THADA: variants seen among roughly 807,000 people sequenced by gnomAD.
THADA encodes the protein tRNA (32-2'-O)-methyltransferase regulator THADA.
A neutral mutation model predicts 219.8 loss-of-function variants in THADA; 213 were observed. The ratio of observed to expected loss-of-function variants is 0.97; its 90% confidence interval spans 0.87 to 1.09. The LOEUF is 1.09. Ranked by LOEUF, THADA falls within the 50% of genes least tolerant of loss-of-function variation. The probability of loss-of-function intolerance (pLI) is 0.00; values close to 1 mark genes in which losing one functional copy is unlikely to be tolerated. For synonymous variants in THADA, 1,018 were observed against 828.9 expected (o/e 1.23, Z -3.92); for missense variants, 2,956 against 2,311.3 (o/e 1.28, Z -5.72).
intron 25 of THADA, among the ~76,000 whole-genome samples, chr2:43,488,588 G>A (rs371357230): frequency 4.6e-5 from 7 of 152,024 alleles, no homozygotes; most frequent in East Asian, 1.9e-4. Flanking sequence ...TTCATTTGAC[G>A]GACATTTGGG....
chr2:43,489,650 T>C (rs1489254444), intron 25 of THADA, among the ~76,000 whole-genome samples: 1 of 152,136 alleles, frequency 6.6e-6, no homozygotes. Context: ...CTCTACTGAA[T>C]TGTCTTGGCA....
intron 29 of THADA, among the ~76,000 whole-genome samples, chr2:43,361,317 T>C (rs931522046): frequency 3.9e-5 from 6 of 152,226 alleles, no homozygotes; most frequent in Non-Finnish European, 1.5e-5. Context: ...TCATATCCCA[T>C]GAGGTTGCCA....
intron 21 of THADA, among the ~76,000 whole-genome samples, chr2:43,534,844 T>A (rs1298508934): frequency 1.3e-5 from 2 of 152,124 alleles, no homozygotes; most frequent in Non-Finnish European, 2.9e-5. Context: ...GATTTCCTTC[T>A]CCTTGGATAA....
intron 29 of THADA, among the ~76,000 whole-genome samples, chr2:43,383,073 CAAAG>C (rs1402883416): frequency 3.3e-5 from 5 of 151,938 alleles, no homozygotes; most frequent in Non-Finnish European, 7.4e-5. Context: ...AAGTGGACAA[CAAAG>C]AAAGCACCAT....
intron 4 of THADA, among the ~76,000 whole-genome samples, 193 bp from the exon 5 acceptor site, chr2:43,587,195 G>C (rs1003875916): frequency 6.6e-6 from 1 of 152,034 alleles, no homozygotes; most frequent in African/African-American, 2.4e-5. Flanking sequence ...CTTCCACCTT[G>C]CTTCTCTCCC....
chr2:43,480,742 C>T lies in THADA; in HGVS notation c.3836+4492G>A, dbSNP rs564294004. Reference sequence around the variant, plus strand: ...CTGAGGCAGGAGAATTGCGTGAACCCGGGAGGCAGAGGTTGCAGTGAGTTG... The same window carrying T: ...CTGAGGCAGGAGAATTGCGTGAACCTGGGAGGCAGAGGTTGCAGTGAGTTG... On this transcript the variant is annotated intron_variant, in intron 26 of 37. Transcript: ENST00000405975. Among the ~76,000 whole-genome samples, 184 of 151,076 alleles carry T rather than the reference C, an allele frequency of 1.2e-3. 2 individuals carry two copies. Among genetic ancestry groups the T allele is most frequent in the African/African-American group, 4.1e-3 (170 of 41,084 alleles).
intron 29 of THADA, among the ~76,000 whole-genome samples, chr2:43,385,609 AAAAAAAAAAAAAAAAAAAAAAG>A (rs933843619): frequency 1.4e-5 from 2 of 147,294 alleles, no homozygotes; most frequent in African/African-American, 5.2e-5. Context: ...TCCGTCTCAA[AAAAAAAAAAAAAAAAAAAAAAG>A]AAGAAGGGGC....
chr2:43,462,527 C>G (rs1323092320), intron 26 of THADA, among the ~76,000 whole-genome samples: 3 of 152,084 alleles, frequency 2.0e-5, no homozygotes, highest in Non-Finnish European at 4.4e-5. Context: ...CTAATATGTT[C>G]AAACATTCAG....
chr2:43,306,161 C>T (rs566355062), intron 31 of THADA, among the ~76,000 whole-genome samples: 1 of 152,076 alleles, frequency 6.6e-6, no homozygotes, highest in African/African-American at 2.4e-5. Flanking sequence ...CAGGCACGAG[C>T]CCCCATGCCT....
At chr2:43,231,469 T>C in intron 37 of THADA, 126 bp from the exon 38 acceptor site, 2 of 953,458 alleles carry the variant, frequency 2.1e-6, no homozygotes, top group Non-Finnish European at 3.0e-6. Context: ...GAGGGTGCAC[T>C]CTTGCCTGTC....
intron 31 of THADA, among the ~76,000 whole-genome samples, chr2:43,313,912 A>G (rs928099690): frequency 6.6e-6 from 1 of 152,204 alleles, no homozygotes; most frequent in Non-Finnish European, 1.5e-5. Context: ...CTTAGCACAC[A>G]TGGGATGTTA....
chr2:43,465,977 T>G (rs1274546328), intron 26 of THADA, among the ~76,000 whole-genome samples: 1 of 152,202 alleles, frequency 6.6e-6, no homozygotes, highest in Admixed American at 6.5e-5. Context: ...GCCATGCCAC[T>G]ATGTTTCCTC....
At chr2:43,393,764 TAAC>T (rs200202422) in intron 29 of THADA, among the ~76,000 whole-genome samples, 54 of 148,248 alleles carry the variant, frequency 3.6e-4, no homozygotes, top group African/African-American at 8.9e-4. Context: ...TATTTGTACA[TAAC>T]AACAACAACA....
intron 36 of THADA, among the ~76,000 whole-genome samples, chr2:43,254,645 C>A (rs1242047069): frequency 6.6e-6 from 1 of 152,140 alleles, no homozygotes; most frequent in African/African-American, 2.4e-5. Flanking sequence ...ATCTTTTCCT[C>A]TTGAAATTCT....
chr2:43,410,079 G>C (rs1319619908), intron 28 of THADA, among the ~76,000 whole-genome samples: 1 of 151,742 alleles, frequency 6.6e-6, no homozygotes, highest in East Asian at 1.9e-4. Flanking sequence ...CAGAAAAATT[G>C]GGTCAAAGCT....
chr2:43,437,496 G>A (rs1318940575), intron 26 of THADA, among the ~76,000 whole-genome samples: 3 of 152,182 alleles, frequency 2.0e-5, no homozygotes, highest in East Asian at 3.8e-4. Flanking sequence ...GTGTCCTACT[G>A]GTAGTAACCT....
intron 25 of THADA, among the ~76,000 whole-genome samples, chr2:43,497,067 G>A (rs1042261289): frequency 6.6e-6 from 1 of 152,156 alleles, no homozygotes; most frequent in Admixed American, 6.5e-5. Context: ...GGAGAAATAG[G>A]AAAACTTTTA....
chr2:43,518,956 G>A (rs1416521687), intron 22 of THADA, among the ~76,000 whole-genome samples: 2 of 151,940 alleles, frequency 1.3e-5, no homozygotes, highest in African/African-American at 2.4e-5. Context: ...CTGCTATCCC[G>A]CTAGGCAGCC....
At chr2:43,323,368 C>G (rs1253615859) in intron 30 of THADA, among the ~76,000 whole-genome samples, 2 of 152,164 alleles carry the variant, frequency 1.3e-5, no homozygotes, top group Non-Finnish European at 2.9e-5. Context: ...TGGGGTTCTA[C>G]TTTTTAACCC....
Sources: allele counts gnomAD v4.1 joint callset (sites outside exome capture counted in the v4.1 genomes callset), GRCh38; gene constraint gnomAD v4.1.1; transcripts MANE v1.5; gene names NCBI Gene and HGNC (gene_info 2026-07-23, HGNC 2026-07-21).